The following DOCK5 variants were observed in gnomAD, a reference collection of about 807,000 sequenced individuals.
DOCK5 encodes dedicator of cytokinesis 5.
DOCK5 carries 142 observed loss-of-function variants against 251.8 expected under a neutral mutation model. The observed-to-expected ratio is 0.56, with a 90% confidence interval of 0.49 to 0.65. The LOEUF (loss-of-function observed/expected upper bound fraction) is 0.65, where lower values mean the gene tolerates loss of function less well. Ranked by LOEUF, DOCK5 falls within the 30% of genes least tolerant of loss-of-function variation. The probability of loss-of-function intolerance (pLI) is 0.00; values close to 1 mark genes in which losing one functional copy is unlikely to be tolerated. For synonymous variants in DOCK5, 842 were observed against 835.5 expected (o/e 1.01, Z -0.13); for missense variants, 2,111 against 2,312.3 (o/e 0.91, Z 1.79).
intron 48 of DOCK5, among the ~76,000 whole-genome samples, chr8:25,405,126 A>ACTTCTAATTTGTTG (rs1468432281): frequency 6.6e-6 from 1 of 151,722 alleles, no homozygotes; most frequent in African/African-American, 2.4e-5. Flanking sequence ...TTATCTTTTG[A>ACTTCTAATTTGTTG]CTTCTAATTT....
intron 25 of DOCK5, among the ~76,000 whole-genome samples, chr8:25,343,073 CCT>C (rs1342758184): frequency 6.6e-6 from 1 of 151,806 alleles, no homozygotes. Context: ...GTCTCTGCTC[CCT>C]CTAACCTCTG....
chr8:25,246,465 G>C (rs951324459), intron 2 of DOCK5, among the ~76,000 whole-genome samples: 9 of 152,082 alleles, frequency 5.9e-5, no homozygotes, highest in African/African-American at 1.9e-4. Context: ...GTAGAGACAG[G>C]GTTTCCCCAT....
intron 13 of DOCK5, among the ~76,000 whole-genome samples, chr8:25,312,924 C>T (rs1477905778): frequency 6.6e-6 from 1 of 151,980 alleles, no homozygotes; most frequent in African/African-American, 2.4e-5. Flanking sequence ...AGTAAGACTC[C>T]ATCTCAAAAA....
At chr8:25,316,880 G>A in intron 13 of DOCK5, 127 bp from the exon 14 acceptor site, 1 of 1,168,136 alleles carries the variant, frequency 8.6e-7, no homozygotes. Context: ...AAAGCCTTTT[G>A]TCGGATGAGT....
chr8:25,354,712 G>A (rs748435121), intron 27 of DOCK5, among the ~76,000 whole-genome samples: 1 of 152,098 alleles, frequency 6.6e-6, no homozygotes, highest in Non-Finnish European at 1.5e-5. Context: ...AAATCTACAT[G>A]GCTTGATACA....
intron 27 of DOCK5, among the ~76,000 whole-genome samples, chr8:25,358,449 A>G (rs545351702): frequency 6.6e-6 from 1 of 152,154 alleles, no homozygotes; most frequent in South Asian, 2.1e-4. Context: ...ACAATTCAAG[A>G]TGAGATTTGG....
At chr8:25,367,054 A>G (rs1264677947) in intron 31 of DOCK5, 84 bp downstream of exon 31, 1 of 1,231,678 alleles carries the variant, frequency 8.1e-7, no homozygotes, top group Non-Finnish European at 1.2e-6. Flanking sequence ...TATCACAGAA[A>G]TTACTATTTA....
intron 2 of DOCK5, among the ~76,000 whole-genome samples, chr8:25,248,854 G>A (rs185894764): frequency 2.2e-3 from 337 of 152,060 alleles, no homozygotes; most frequent in Non-Finnish European, 3.7e-3. Context: ...GAGTAAGGGG[G>A]TCAGGGGTCA....
intron 24 of DOCK5, 26 bp from the exon 25 acceptor site, chr8:25,342,375 T>G: frequency 6.5e-7 from 1 of 1,546,424 alleles, no homozygotes; most frequent in Non-Finnish European, 8.8e-7. Context: ...ACGAAGACAC[T>G]ACTAACCCTG....
intron 35 of DOCK5, among the ~76,000 whole-genome samples, 200 bp from the exon 36 acceptor site, chr8:25,373,418 A>G (rs1030195707): frequency 3.3e-5 from 5 of 152,168 alleles, no homozygotes; most frequent in Non-Finnish European, 7.3e-5. Flanking sequence ...CTGAGTTCCC[A>G]AAGTCCATTA....
Position 25,395,719 on chromosome 8 carries a change from G to T in DOCK5, c.4704G>T (p.Lys1568Asn). The T allele has an allele frequency of 6.2e-7, 1 of 1,613,140 alleles. No individual in the cohort carries two copies. The highest frequency in any genetic ancestry group is 8.5e-7 in the Non-Finnish European group (1 of 1,179,492). Residue 1568 changes from lysine (K) to asparagine (N), a missense_variant and splice_region_variant, in exon 45 of 52, where the codon AAG becomes AAT. Lys to Asn is a moderately conservative substitution (Grantham distance 94). Coordinates refer to ENST00000276440, the MANE Select transcript of DOCK5 (RefSeq NM_024940.8). ...AVMGGFSNYE[K>N]AFFTEKYLQE... The stretch of plus-strand genomic sequence containing the variant: ...TGGGGGGCTTCTCCAACTATGAAAA[G>T]GTTCGCTTGGTCCCAGAATCCCCTA...
intron 1 of DOCK5, among the ~76,000 whole-genome samples, chr8:25,228,341 C>A (rs2117513818): frequency 6.6e-6 from 1 of 152,278 alleles, no homozygotes; most frequent in Middle Eastern, 3.4e-3. Flanking sequence ...GGTGTGTCCC[C>A]AAATTGGGGC....
At chr8:25,297,424 A>T (rs1563192402) in intron 7 of DOCK5, among the ~76,000 whole-genome samples, 1 of 151,950 alleles carries the variant, frequency 6.6e-6, no homozygotes, top group Non-Finnish European at 1.5e-5. Context: ...CGCCTGGCTA[A>T]TTTTTGTATT....
At chr8:25,331,813 G>T (rs997154713) in intron 18 of DOCK5, among the ~76,000 whole-genome samples, 8,983 of 50,772 alleles carry the variant, frequency 0.18, 287 homozygotes, top group Non-Finnish European at 0.25. Flanking sequence ...GAGAGAGAGA[G>T]AGAGAGAGAG....
At chr8:25,217,648 A>G (rs570135902) in intron 1 of DOCK5, among the ~76,000 whole-genome samples, 1 of 152,300 alleles carries the variant, frequency 6.6e-6, no homozygotes, top group Non-Finnish European at 1.5e-5. Flanking sequence ...CAATGTGTCA[A>G]AGTTGGTGGG....
chr8:25,400,109 C>A, intron 46 of DOCK5, 115 bp downstream of exon 46: 2 of 815,276 alleles, frequency 2.5e-6, no homozygotes, highest in Non-Finnish European at 2.0e-6. Context: ...CTTTTTTTAA[C>A]CCTTGTGAAA....
At chr8:25,206,042 GT>G (rs1245774601) in intron 1 of DOCK5, among the ~76,000 whole-genome samples, 2 of 152,198 alleles carry the variant, frequency 1.3e-5, no homozygotes, top group Non-Finnish European at 2.9e-5. Context: ...GGTTATTGGA[GT>G]TTAGAGAAGC....
At chr8:25,373,105 T>A (rs1166871230) in intron 35 of DOCK5, among the ~76,000 whole-genome samples, 1 of 151,714 alleles carries the variant, frequency 6.6e-6, no homozygotes, top group Admixed American at 6.6e-5. Flanking sequence ...GATCAAGCAA[T>A]TTTCCTGCCT....
intron 44 of DOCK5, among the ~76,000 whole-genome samples, chr8:25,394,237 A>T (rs1801307563): frequency 6.6e-6 from 1 of 152,250 alleles, no homozygotes; most frequent in Admixed American, 6.5e-5. Flanking sequence ...AAAGAAAAAA[A>T]AATTAGACAT....
Sources: allele counts gnomAD v4.1 joint callset (sites outside exome capture counted in the v4.1 genomes callset), GRCh38; gene constraint gnomAD v4.1.1; transcripts MANE v1.5; gene names NCBI Gene and HGNC (gene_info 2026-07-23, HGNC 2026-07-21).